The following ZNF704 variants were observed in gnomAD, a reference collection of about 807,000 sequenced individuals.
ZNF704 encodes the protein glucocorticoid induced gene 1.
A neutral mutation model predicts 44.7 loss-of-function variants in ZNF704; 10 were observed. The ratio of observed to expected loss-of-function variants is 0.22; its 90% confidence interval spans 0.14 to 0.38. ZNF704 has a LOEUF of 0.38. Among genes scored for constraint, ZNF704 ranks in the 10% least tolerant of loss-of-function variants. The probability of loss-of-function intolerance (pLI) is 1.00; values close to 1 mark genes in which losing one functional copy is unlikely to be tolerated. For missense variants in ZNF704, 390 were observed against 545.5 expected, an observed-to-expected ratio of 0.71 and a Z score of 2.84; for synonymous variants, 211 against 207.6, an observed-to-expected ratio of 1.02 and a Z score of -0.14.
intron 2 of ZNF704, among the ~76,000 whole-genome samples, chr8:80,750,968 A>G (rs1036827891): frequency 3.9e-5 from 6 of 152,232 alleles, no homozygotes; most frequent in Admixed American, 3.9e-4. Flanking sequence ...TCGACTAAAA[A>G]TCAGTTTAGG....
intron 4 of ZNF704, among the ~76,000 whole-genome samples, chr8:80,675,969 A>T (rs1298079913): frequency 6.6e-6 from 1 of 152,142 alleles, no homozygotes; most frequent in Non-Finnish European, 1.5e-5. Flanking sequence ...TTTATGTTGG[A>T]GATTGAGAAG....
At chr8:80,763,806 T>C (rs1016798388) in intron 2 of ZNF704, among the ~76,000 whole-genome samples, 5 of 152,232 alleles carry the variant, frequency 3.3e-5, no homozygotes, top group African/African-American at 9.6e-5. Flanking sequence ...TCTTGAATGC[T>C]TTGCTGCTCA....
intron 2 of ZNF704, among the ~76,000 whole-genome samples, chr8:80,695,687 A>G (rs775299489): frequency 6.6e-6 from 1 of 152,244 alleles, no homozygotes; most frequent in Non-Finnish European, 1.5e-5. Flanking sequence ...TGTGTTTTTT[A>G]AAATATGACA....
chr8:80,827,257 C>G lies in ZNF704; in HGVS notation c.-21-5642G>C, dbSNP rs186440213. ...GGATACAAAATCAATGTGCAAAAAT[C>G]ACAAGCATTCCTATACACCAATAAC... On this transcript the variant is annotated intron_variant, in intron 1 of 8. Transcript: ENST00000327835. Among the ~76,000 whole-genome samples the G allele has an allele frequency of 1.8e-4, 28 of 152,280 alleles. No homozygotes were observed. The East Asian group carries it at 5.4e-3, about 29-fold the overall frequency.
At chr8:80,762,222 G>A (rs1272529904) in intron 2 of ZNF704, among the ~76,000 whole-genome samples, 1 of 152,230 alleles carries the variant, frequency 6.6e-6, no homozygotes, top group Non-Finnish European at 1.5e-5. Context: ...GATACTATGT[G>A]TGAAGGGGCA....
At chr8:80,820,873 TCC>T (rs1234666203) in intron 2 of ZNF704, among the ~76,000 whole-genome samples, 1 of 151,808 alleles carries the variant, frequency 6.6e-6, no homozygotes, top group Non-Finnish European at 1.5e-5. Context: ...GTCACTGCAC[TCC>T]AGCTTGAGCG....
intron 1 of ZNF704, among the ~76,000 whole-genome samples, chr8:80,869,847 T>C (rs528980977): frequency 6.0e-4 from 91 of 152,292 alleles, no homozygotes; most frequent in African/African-American, 2.1e-3. Context: ...CCTTGCTGGC[T>C]TGATGAAGTA....
At chr8:80,717,309 T>C (rs1240701695) in intron 2 of ZNF704, among the ~76,000 whole-genome samples, 2 of 152,250 alleles carry the variant, frequency 1.3e-5, no homozygotes, top group African/African-American at 2.4e-5. Context: ...AAATATTCAC[T>C]GGTTCCTACT....
chr8:80,672,525 AGTGT>A (rs1818298367), intron 4 of ZNF704, among the ~76,000 whole-genome samples: 2 of 152,130 alleles, frequency 1.3e-5, no homozygotes, highest in African/African-American at 4.8e-5. Context: ...CCTAGGTGTC[AGTGT>A]AATGAATAAA....
chr8:80,798,439 G>C (rs1476127065), intron 2 of ZNF704, among the ~76,000 whole-genome samples: 2 of 152,084 alleles, frequency 1.3e-5, no homozygotes, highest in East Asian at 3.9e-4. Flanking sequence ...ATTTTTAGTA[G>C]AGACAGGGTT....
chr8:80,847,318 T>C (rs1039877817), intron 1 of ZNF704, among the ~76,000 whole-genome samples: 2 of 152,048 alleles, frequency 1.3e-5, no homozygotes, highest in African/African-American at 4.8e-5. Context: ...GTTGGTGAAA[T>C]AAATCAAGGA....
intron 2 of ZNF704, among the ~76,000 whole-genome samples, chr8:80,805,419 T>C (rs926022301): frequency 6.6e-6 from 1 of 152,164 alleles, no homozygotes; most frequent in African/African-American, 2.4e-5. Flanking sequence ...TCAACTGCCT[T>C]ATCAATTCTG....
In ZNF704 at chr8:80,633,450, G is replaced by A. The variant is rs1817618138; in HGVS notation, c.*7916C>T. ...TAAATCAGTTTGCACTTGGCAACAT[G>A]ACTGAGTAACGGGTGGGCTCTTTAT... On this transcript the variant is annotated 3_prime_UTR_variant, in exon 9 of 9. Coordinates refer to ENST00000327835, the MANE Select transcript of ZNF704 (RefSeq NM_001033723.3). 6.6e-6 allele frequency: 1 copy of A among 152,232 alleles called. No homozygotes were observed. The highest frequency in any genetic ancestry group is 1.5e-5 in the Non-Finnish European group (1 of 68,054). 9.4% of individuals were successfully genotyped at this position (152,232 alleles called of 1,614,324 possible).
chr8:80,654,481 A>C (rs1324258886), intron 7 of ZNF704, among the ~76,000 whole-genome samples: 1 of 152,246 alleles, frequency 6.6e-6, no homozygotes, highest in African/African-American at 2.4e-5. Flanking sequence ...AATGAACTCC[A>C]ACAAATTTAC....
At chr8:80,672,645 T>A (rs907504086) in intron 4 of ZNF704, among the ~76,000 whole-genome samples, 26 of 152,126 alleles carry the variant, frequency 1.7e-4, no homozygotes, top group African/African-American at 6.3e-4. Context: ...TTATCCTAAG[T>A]GAATTGATGC....
chr8:80,649,379 G>A (rs987272337), intron 7 of ZNF704, among the ~76,000 whole-genome samples: 2 of 152,180 alleles, frequency 1.3e-5, no homozygotes, highest in African/African-American at 2.4e-5. Context: ...CGCCTCACCC[G>A]GGAAGCGCAA....
chr8:80,747,204 G>A (rs1806861742), intron 2 of ZNF704, among the ~76,000 whole-genome samples: 1 of 152,084 alleles, frequency 6.6e-6, no homozygotes, highest in South Asian at 2.1e-4. Context: ...TTCACGGTCT[G>A]CGGTGTAGCT....
At chr8:80,710,786 T>C (rs1818973735) in intron 2 of ZNF704, among the ~76,000 whole-genome samples, 1 of 152,192 alleles carries the variant, frequency 6.6e-6, no homozygotes, top group Non-Finnish European at 1.5e-5. Flanking sequence ...GAAATAAATG[T>C]TGTTTATGCC....
intron 2 of ZNF704, 45 bp from the exon 3 acceptor site, chr8:80,693,152 G>T (rs754618226): frequency 3.3e-6 from 5 of 1,532,894 alleles, no homozygotes; most frequent in Non-Finnish European, 4.5e-6. Context: ...CTCTGCATCT[G>T]CTGTGGGCCA....
Sources: allele counts gnomAD v4.1 joint callset (sites outside exome capture counted in the v4.1 genomes callset), GRCh38; gene constraint gnomAD v4.1.1; transcripts MANE v1.5; gene names NCBI Gene and HGNC (gene_info 2026-07-23, HGNC 2026-07-21).